The following ACTR3 variants were observed in gnomAD, a reference collection of about 807,000 sequenced individuals.
ACTR3 encodes the protein actin-related protein 3.
Under a neutral mutation model 56.8 loss-of-function variants are expected in ACTR3, and 12 were observed. The observed-to-expected ratio is 0.21, with a 90% confidence interval of 0.14 to 0.34. ACTR3 has a LOEUF of 0.34. ACTR3 is among the 10% of genes least tolerant of loss of function. ACTR3 has a pLI of 1.00. For synonymous variants in ACTR3, 162 were observed against 167.4 expected, an observed-to-expected ratio of 0.97 and a Z score of 0.25; for missense variants, 282 against 512.5, an observed-to-expected ratio of 0.55 and a Z score of 4.34.
At chr2:113,891,535 T>C (rs1356144021) in intron 1 of ACTR3, among the ~76,000 whole-genome samples, 1 of 151,580 alleles carries the variant, frequency 6.6e-6, no homozygotes, top group East Asian at 1.9e-4. Context: ...TTTTCTGTGC[T>C]GATGACATCT....
intron 2 of ACTR3, among the ~76,000 whole-genome samples, chr2:113,914,408 C>A (rs774292475): frequency 2.0e-5 from 3 of 151,996 alleles, no homozygotes; most frequent in Non-Finnish European, 4.4e-5. Context: ...GTCAGGAGTT[C>A]GAGACCAGCC....
chr2:113,941,107 T>A (rs1367965711), intron 7 of ACTR3, among the ~76,000 whole-genome samples: 1 of 152,146 alleles, frequency 6.6e-6, no homozygotes, highest in Non-Finnish European at 1.5e-5. Flanking sequence ...TGCCTGGGCC[T>A]CTTTGCTTGT....
chr2:113,895,592 CTT>C (rs1461748955), intron 1 of ACTR3, among the ~76,000 whole-genome samples: 3 of 152,176 alleles, frequency 2.0e-5, no homozygotes, highest in East Asian at 1.9e-4. Flanking sequence ...CAAGGGCTAA[CTT>C]TGCAGAAATT....
At chr2:113,894,115 G>GT (rs2104577483) in intron 1 of ACTR3, among the ~76,000 whole-genome samples, 1 of 151,234 alleles carries the variant, frequency 6.6e-6, no homozygotes, top group East Asian at 1.9e-4. Context: ...TTGAGATGGA[G>GT]TTTTGCTCTC....
chr2:113,937,294 C>T lies in ACTR3; in HGVS notation c.541-2665C>T, dbSNP rs570322077. ...AATTTTTTTGTATTTTTAGTAGAGA[C>T]GGGGTTTCACCATGTTGCTCAGGCT... is the stretch of plus-strand genomic sequence containing the variant. On this transcript the variant is annotated intron_variant, in intron 6 of 11. Coordinates refer to ENST00000263238, the MANE Select transcript of ACTR3 (RefSeq NM_005721.5). 4.6e-5 allele frequency among the ~76,000 whole-genome samples: 7 copies of T among 152,166 alleles called. 1 individual carries two copies. Among genetic ancestry groups the T allele is most frequent in the African/African-American group, 1.4e-4 (6 of 41,514 alleles).
intron 1 of ACTR3, among the ~76,000 whole-genome samples, chr2:113,899,140 G>T (rs1026454381): frequency 1.3e-5 from 2 of 152,156 alleles, no homozygotes; most frequent in Admixed American, 1.3e-4. Flanking sequence ...ACACATTAAA[G>T]TGAAATATGG....
chr2:113,915,725 T>A (rs1005722130), intron 2 of ACTR3, among the ~76,000 whole-genome samples: 7 of 152,214 alleles, frequency 4.6e-5, no homozygotes, highest in Non-Finnish European at 1.0e-4. Context: ...CTCATCACTA[T>A]TGAATCCATT....
In ACTR3 at chr2:113,927,455, G is replaced by T; in HGVS notation, c.336G>T (p.Leu112Phe). The T allele has an allele frequency of 6.3e-7, 1 of 1,577,532 alleles. No individual in the cohort carries two copies. The highest frequency in any genetic ancestry group is 1.2e-5 in the South Asian group (1 of 85,340). ...RAEPEDHYFL[L>F]TEPPLNTPEN... ...AACCTGAAGACCATTATTTTCTTTT[G>T]GTAAGTTACAAGTTATAATTTCACT... is the stretch of plus-strand genomic sequence containing the variant. The change falls in exon 4 of 12, where the codon TTG becomes TTT. Residue 112 changes from leucine to phenylalanine, a missense_variant and splice_region_variant. Transcript: ENST00000263238.
intron 6 of ACTR3, among the ~76,000 whole-genome samples, chr2:113,937,317 G>T (rs1029740020): frequency 3.9e-5 from 6 of 152,138 alleles, no homozygotes; most frequent in Non-Finnish European, 8.8e-5. Context: ...TGTTGCTCAG[G>T]CTGGTCTTGA....
At chr2:113,904,496 C>G (rs1041726357) in intron 1 of ACTR3, 1 of 152,070 alleles carries the variant, frequency 6.6e-6, no homozygotes, top group African/African-American at 2.4e-5. Flanking sequence ...TATTCGTTCT[C>G]TTGTTAAACA....
chr2:113,944,160 C>T (rs186267705), intron 8 of ACTR3, among the ~76,000 whole-genome samples: 60 of 152,018 alleles, frequency 3.9e-4, no homozygotes, highest in African/African-American at 1.3e-3. Flanking sequence ...ATAGGGGAGG[C>T]GTTTCAATGG....
At position 113,939,948 on chromosome 2, in the gene ACTR3, C is replaced by G. The variant is rs1454245886; in HGVS notation, c.541-11C>G. On this transcript the variant is annotated splice_polypyrimidine_tract_variant and intron_variant, in intron 6 of 11. Coordinates refer to ENST00000263238, the MANE Select transcript of ACTR3 (RefSeq NM_005721.5). ...TGAAAGTAAATTTGGTATCTTTTTT[C>G]CCCTCTCTAGGCTGAAGGGTATGTG... 3 of 1,549,776 alleles carry G rather than the reference C, an allele frequency of 1.9e-6. No homozygotes were observed. Among genetic ancestry groups the G allele is most frequent in the African/African-American group, 1.4e-5 (1 of 72,510 alleles).
chr2:113,907,979 A>C lies in ACTR3; in HGVS notation c.45-5193A>C, dbSNP rs1378385746. Among the ~76,000 whole-genome samples, 234 of 147,448 alleles carry C rather than the reference A, an allele frequency of 1.6e-3. 1 individual carries two copies. Among genetic ancestry groups the C allele is most frequent in the African/African-American group, 5.5e-3 (222 of 40,322 alleles). On this transcript the variant is annotated intron_variant, in intron 1 of 11. Transcript: ENST00000263238. ...ACAAGAGCAAAACTCTGTCCCCCAA[A>C]AAAAAAAAAAAAAAAAAAAAAAAGT...
At chr2:113,923,965 C>T (rs1679569055) in intron 3 of ACTR3, among the ~76,000 whole-genome samples, 1 of 151,742 alleles carries the variant, frequency 6.6e-6, no homozygotes, top group African/African-American at 2.4e-5. Context: ...CAAGATCAGA[C>T]AAAACACAAT....
rs1680123627 is a variant in ACTR3, at chr2:113,951,694, T to C, written c.952-26T>C. 5 of 1,523,248 alleles carry C rather than the reference T, an allele frequency of 3.3e-6. No homozygotes were observed. In the East Asian group the frequency reaches 1.2e-4, roughly 38 times the overall value. The allele number at this position is 1,523,248 out of a possible 1,614,324, so 94.4% of individuals were successfully genotyped here. On this transcript the variant is annotated intron_variant, in intron 9 of 11. Coordinates refer to ENST00000263238, the MANE Select transcript of ACTR3 (RefSeq NM_005721.5). Reference sequence around the variant, plus strand: ...ATCTTTAAACTTTTCTCTTTTTAAATATTATATTTATTTTCTCTCCACTAG... The same window carrying C: ...ATCTTTAAACTTTTCTCTTTTTAAACATTATATTTATTTTCTCTCCACTAG...
intron 8 of ACTR3, among the ~76,000 whole-genome samples, chr2:113,944,654 C>T (rs1019846771): frequency 2.7e-5 from 4 of 148,888 alleles, no homozygotes; most frequent in East Asian, 2.0e-4. Flanking sequence ...CCCAGCTACT[C>T]GCGAGGCTGA....
chr2:113,952,115 A>G, intron 10 of ACTR3: 1 of 316,360 alleles, frequency 3.2e-6, no homozygotes, highest in South Asian at 5.6e-5. Context: ...TAATTAATAT[A>G]GTAGATTTCT....
intron 6 of ACTR3, among the ~76,000 whole-genome samples, chr2:113,937,153 G>A: frequency 6.6e-6 from 1 of 152,136 alleles, no homozygotes; most frequent in South Asian, 2.1e-4. Context: ...GCCGAGGCTG[G>A]AGTGCAGTGG....
chr2:113,893,669 C>T (rs778741149), intron 1 of ACTR3, among the ~76,000 whole-genome samples: 4 of 152,176 alleles, frequency 2.6e-5, no homozygotes, highest in African/African-American at 4.8e-5. Flanking sequence ...TCCTTATTAA[C>T]TCCTTGTTAT....
Sources: allele counts gnomAD v4.1 joint callset (sites outside exome capture counted in the v4.1 genomes callset), GRCh38; gene constraint gnomAD v4.1.1; transcripts MANE v1.5; gene names NCBI Gene and HGNC (gene_info 2026-07-23, HGNC 2026-07-21).